UNC13C: variants seen among roughly 807,000 people sequenced by gnomAD.
UNC13C encodes protein unc-13 homolog C.
A neutral mutation model predicts 245.4 loss-of-function variants in UNC13C; 174 were observed. The ratio of observed to expected loss-of-function variants is 0.71; its 90% CI spans 0.63 to 0.80. UNC13C has a LOEUF of 0.80. UNC13C is among the 30% of genes least tolerant of loss of function. UNC13C has a pLI of 0.00. For synonymous variants in UNC13C, 992 were observed against 895.1 expected, an observed-to-expected ratio of 1.11 and a Z score of -1.93; for missense variants, 2,829 against 2,602.9, an observed-to-expected ratio of 1.09 and a Z score of -1.89.
At chr15:54,258,525 G>C (rs1347521881) in intron 8 of UNC13C, among the ~76,000 whole-genome samples, 1 of 151,868 alleles carries the variant, frequency 6.6e-6, no homozygotes, top group South Asian at 2.1e-4. Context: ...CACCACATCC[G>C]GCTAATTTTT....
intron 2 of UNC13C, among the ~76,000 whole-genome samples, chr15:54,074,681 A>G (rs1898501876): frequency 1.3e-5 from 2 of 151,934 alleles, no homozygotes; most frequent in Admixed American, 1.3e-4. Context: ...CTGTTTGTCT[A>G]TTATTGGTGT....
intron 10 of UNC13C, among the ~76,000 whole-genome samples, chr15:54,290,903 T>C (rs2037280114): frequency 6.6e-6 from 1 of 152,074 alleles, no homozygotes; most frequent in Non-Finnish European, 1.5e-5. Context: ...TTACATAAAC[T>C]CTGATGATTT....
chr15:54,606,395 T>G (rs1899768311), intron 30 of UNC13C, among the ~76,000 whole-genome samples: 1 of 152,186 alleles, frequency 6.6e-6, no homozygotes, highest in South Asian at 2.1e-4. Context: ...ATTTAATCAG[T>G]AGATAACTTC....
intron 2 of UNC13C, among the ~76,000 whole-genome samples, chr15:54,102,283 AC>A (rs1392489256): frequency 2.6e-5 from 4 of 152,060 alleles, no homozygotes; most frequent in African/African-American, 9.7e-5. Context: ...AGCTAGACAC[AC>A]AGTCTAGCCT....
chr15:53,881,902 T>C, the UNC13C span, among the ~76,000 whole-genome samples: 15 of 152,186 alleles, frequency 9.9e-5, no homozygotes, highest in Admixed American at 4.6e-4. Context: ...ACATTAATTA[T>C]CTGTCTGCTG....
chr15:53,965,773 G>A, the UNC13C span, among the ~76,000 whole-genome samples: 2 of 151,776 alleles, frequency 1.3e-5, no homozygotes, highest in African/African-American at 4.8e-5. Flanking sequence ...GTGTCCATGT[G>A]TTCTCATTGT....
intron 1 of UNC13C, among the ~76,000 whole-genome samples, chr15:54,009,283 T>C (rs1895275088): frequency 6.6e-6 from 1 of 152,192 alleles, no homozygotes; most frequent in South Asian, 2.1e-4. Context: ...AATTCTTAGA[T>C]TGCCCCCCAC....
chr15:54,213,806 A>G (rs1440701733), intron 4 of UNC13C, among the ~76,000 whole-genome samples: 1 of 152,032 alleles, frequency 6.6e-6, no homozygotes, highest in Admixed American at 6.6e-5. Context: ...AGATTGGGGA[A>G]GACATTTTGC....
At chr15:54,576,080 A>G (rs1411936938) in intron 30 of UNC13C, among the ~76,000 whole-genome samples, 1 of 152,246 alleles carries the variant, frequency 6.6e-6, no homozygotes, top group East Asian at 1.9e-4. Context: ...AGATAAGCAA[A>G]CATCTTGTGC....
chr15:54,507,082 T>A, intron 22 of UNC13C, 35 bp from the exon 23 acceptor site: 1 of 1,426,648 alleles, frequency 7.0e-7, no homozygotes, highest in Non-Finnish European at 9.7e-7. Flanking sequence ...ACTACATACT[T>A]ACCTGGGTAA....
chr15:54,059,002 A>G (rs1357469642), intron 2 of UNC13C, among the ~76,000 whole-genome samples: 3 of 152,190 alleles, frequency 2.0e-5, no homozygotes, highest in African/African-American at 7.2e-5. Context: ...CACAGCCAAT[A>G]TCATACTGAA....
At chr15:54,063,825 A>G (rs1193007524) in intron 2 of UNC13C, among the ~76,000 whole-genome samples, 1 of 152,214 alleles carries the variant, frequency 6.6e-6, no homozygotes, top group East Asian at 1.9e-4. Flanking sequence ...GGTGGGAGAC[A>G]CAGCTGCCTT....
At chr15:54,185,111 G>A (rs540243191) in intron 4 of UNC13C, among the ~76,000 whole-genome samples, 3 of 152,006 alleles carry the variant, frequency 2.0e-5, no homozygotes, top group Admixed American at 2.0e-4. Context: ...TTTTTGACGG[G>A]GTTGTTTGTT....
At chr15:54,103,781 G>T (rs1388730749) in intron 2 of UNC13C, among the ~76,000 whole-genome samples, 2 of 151,998 alleles carry the variant, frequency 1.3e-5, no homozygotes, top group Non-Finnish European at 2.9e-5. Flanking sequence ...GTCTCACTCT[G>T]TAGCTCAGGC....
intron 30 of UNC13C, among the ~76,000 whole-genome samples, chr15:54,600,319 A>T (rs1899342526): frequency 6.6e-6 from 1 of 152,116 alleles, no homozygotes; most frequent in African/African-American, 2.4e-5. Flanking sequence ...CTATCTAGGG[A>T]GGGATTTTAA....
the UNC13C span, among the ~76,000 whole-genome samples, chr15:53,879,738 C>G: frequency 1.3e-5 from 2 of 152,178 alleles, no homozygotes; most frequent in African/African-American, 2.4e-5. Context: ...CAGGCATCCA[C>G]CACCATGCCA....
intron 12 of UNC13C, among the ~76,000 whole-genome samples, chr15:54,299,675 C>T (rs1359117142): frequency 6.6e-6 from 1 of 152,106 alleles, no homozygotes; most frequent in African/African-American, 2.4e-5. Context: ...AGGGTACATT[C>T]TTCAGCCTCA....
intron 29 of UNC13C, among the ~76,000 whole-genome samples, chr15:54,565,191 C>T (rs1329590989): frequency 6.6e-6 from 1 of 151,942 alleles, no homozygotes; most frequent in Non-Finnish European, 1.5e-5. Context: ...CTAACACCTG[C>T]AATGTATTGT....
chr15:53,941,381 C>G, the UNC13C span, among the ~76,000 whole-genome samples: 3 of 152,088 alleles, frequency 2.0e-5, no homozygotes, highest in Non-Finnish European at 4.4e-5. Flanking sequence ...TGGACATAGG[C>G]ATGGGTAAAG....
Sources: gnomAD v4.1 joint callset for allele counts (sites outside exome capture counted in the v4.1 genomes callset) on GRCh38, gnomAD v4.1.1 for gene constraint, MANE v1.5 for transcripts, NCBI Gene and HGNC (gene_info 2026-07-23, HGNC 2026-07-21) for gene names.